RFX3: variants seen among roughly 807,000 people sequenced by gnomAD.
RFX3 encodes transcription factor RFX3.
RFX3 carries 14 observed loss-of-function variants against 98.6 expected under a neutral mutation model. The observed-to-expected ratio is 0.14, with a 90% CI of 0.09 to 0.22. The LOEUF is 0.22. Among genes scored for constraint, RFX3 ranks in the 10% least tolerant of loss-of-function variants. The pLI is 1.00. For missense variants in RFX3, 639 were observed against 926.9 expected (o/e 0.69, Z 4.03); for synonymous variants, 383 against 328.4 (o/e 1.17, Z -1.80).
At chr9:3,267,197 G>C (rs552215151) in intron 11 of RFX3, among the ~76,000 whole-genome samples, 1 of 152,036 alleles carries the variant, frequency 6.6e-6, no homozygotes, top group South Asian at 2.1e-4. Flanking sequence ...TGTGCCCAAG[G>C]CTCCATAGTA....
intron 7 of RFX3, among the ~76,000 whole-genome samples, chr9:3,281,362 A>T (rs1825892220): frequency 2.0e-5 from 3 of 151,586 alleles, no homozygotes; most frequent in Admixed American, 1.3e-4. Flanking sequence ...TCCATTGAAA[A>T]AAAAAAAGTC....
In RFX3 at chr9:3,219,329, C is replaced by T. The variant is rs1817224333; in HGVS notation, c.*5713G>A. Reference sequence around the variant, plus strand: ...CAATGGGAGTTTTTATATTTTCTTTCCTCCCCAGAATCAAAATTCTTCTAA... The same window carrying T: ...CAATGGGAGTTTTTATATTTTCTTTTCTCCCCAGAATCAAAATTCTTCTAA... On this transcript the variant is annotated 3_prime_UTR_variant, in exon 17 of 17. Transcript: ENST00000617270. 1 of 151,854 alleles carries T rather than the reference C, an allele frequency of 6.6e-6. No individual in the cohort carries two copies. Among genetic ancestry groups the T allele is most frequent in the African/African-American group, 2.4e-5 (1 of 41,356 alleles). The allele number at this position is 151,854 out of a possible 1,614,324, so 9.4% of individuals were successfully genotyped here.
At chr9:3,439,363 T>A (rs1199625301) in intron 1 of RFX3, among the ~76,000 whole-genome samples, 1 of 151,570 alleles carries the variant, frequency 6.6e-6, no homozygotes, top group Non-Finnish European at 1.5e-5. Flanking sequence ...TAGAAAAAAA[T>A]CAGTGAAAAC....
Position 3,500,275 on chromosome 9 carries a change from A to G in RFX3, c.-9+25472T>C, listed in dbSNP as rs185769495. Among the ~76,000 whole-genome samples the G allele has an allele frequency of 3.9e-4, 59 of 152,336 alleles. 1 individual carries two copies. Among genetic ancestry groups the G allele is most frequent in the African/African-American group, 1.3e-3 (53 of 41,580 alleles). ...AACAGCGCATAGCAAAGCAAAGCAC[A>G]GCACAGCAGAGCAAATGGGAGAAAA... On this transcript the variant is annotated intron_variant, in intron 1 of 16. Coordinates refer to ENST00000617270, the MANE Select transcript of RFX3 (RefSeq NM_001282116.2).
At chr9:3,240,536 T>A (rs113408799) in intron 15 of RFX3, among the ~76,000 whole-genome samples, 162 of 152,288 alleles carry the variant, frequency 1.1e-3, no homozygotes, top group African/African-American at 3.7e-3. Context: ...CATGTTCCCT[T>A]TGTACTAAGA....
At chr9:3,322,609 T>A (rs142712247) in intron 4 of RFX3, among the ~76,000 whole-genome samples, 7 of 152,204 alleles carry the variant, frequency 4.6e-5, no homozygotes, top group African/African-American at 1.7e-4. Flanking sequence ...GGCAGGTACC[T>A]GTAATCCCAG....
chr9:3,386,848 GAAT>G (rs113750967), intron 2 of RFX3, among the ~76,000 whole-genome samples: 3,729 of 152,170 alleles, frequency 0.025, 153 homozygotes, highest in African/African-American at 0.086. Flanking sequence ...GGCAGTCGGG[GAAT>G]ACCTAATGAA....
At chr9:3,348,625 A>G (rs545480096) in intron 2 of RFX3, among the ~76,000 whole-genome samples, 23 of 152,200 alleles carry the variant, frequency 1.5e-4, no homozygotes, top group African/African-American at 5.5e-4. Context: ...GGATAAGTAC[A>G]TGATTCTTTT....
chr9:3,511,815 A>C (rs1374310316), intron 1 of RFX3, among the ~76,000 whole-genome samples: 1 of 152,082 alleles, frequency 6.6e-6, no homozygotes, highest in Non-Finnish European at 1.5e-5. Context: ...CAAGTAAAGG[A>C]GACTTGAATT....
rs1564205550 is a variant in RFX3 at position 3,524,874 on chromosome 9, CA to C, written c.-9+872del. Among the ~76,000 whole-genome samples, 654 of 95,200 alleles carry C rather than the reference CA, an allele frequency of 6.9e-3. 5 individuals carry two copies. The highest frequency in any genetic ancestry group is 0.02 in the Middle Eastern group (4 of 202). The allele number at this position is 95,200 out of a possible 152,430, so 62.5% of individuals were successfully genotyped here. A position where few individuals can be genotyped will look rare whatever the true frequency, so the allele number is the denominator to read the frequency against. ...ACACACACACACACACACACACACA[CA>C]CACCAAAGAAGAGAGAGGAGACAGA... On this transcript the variant is annotated intron_variant, in intron 1 of 16. Transcript: ENST00000617270.
intron 2 of RFX3, among the ~76,000 whole-genome samples, chr9:3,369,309 C>T (rs1445565561): frequency 1.3e-5 from 2 of 152,168 alleles, no homozygotes; most frequent in African/African-American, 2.4e-5. Context: ...TATGTCCTCA[C>T]GTGGATGGAG....
rs184726908 is a variant in RFX3, at chr9:3,490,053, G to C, written c.-9+35694C>G. On this transcript the variant is annotated intron_variant, in intron 1 of 16. Coordinates refer to ENST00000617270, the MANE Select transcript of RFX3 (RefSeq NM_001282116.2). Reference sequence around the variant, plus strand: ...ATATAAACTGAAAACACATAACTATGTAAATAATACTGTTTTCTTGAAAAC... The same window carrying C: ...ATATAAACTGAAAACACATAACTATCTAAATAATACTGTTTTCTTGAAAAC... 4.1e-3 allele frequency among the ~76,000 whole-genome samples: 620 copies of C among 152,084 alleles called. 3 individuals are homozygous for C. The highest frequency in any genetic ancestry group is 0.014 in the African/African-American group (579 of 41,492).
At chr9:3,229,737 T>C (rs2130670164) in intron 15 of RFX3, among the ~76,000 whole-genome samples, 1 of 152,342 alleles carries the variant, frequency 6.6e-6, no homozygotes, top group Non-Finnish European at 1.5e-5. Context: ...AATAAGTCAT[T>C]ATTAGAAATT....
chr9:3,391,152 T>C (rs922792536), intron 2 of RFX3, among the ~76,000 whole-genome samples: 8 of 152,222 alleles, frequency 5.3e-5, no homozygotes, highest in African/African-American at 1.9e-4. Flanking sequence ...TAAAGGCATT[T>C]TACTATAGTT....
chr9:3,451,372 C>T (rs78706844), intron 1 of RFX3, among the ~76,000 whole-genome samples: 2,628 of 152,050 alleles, frequency 0.017, 61 homozygotes, highest in African/African-American at 0.057. Context: ...ATGGTGAAAC[C>T]CCATCTCTCA....
intron 1 of RFX3, among the ~76,000 whole-genome samples, chr9:3,403,928 G>T (rs1421313862): frequency 1.3e-5 from 2 of 152,094 alleles, no homozygotes; most frequent in African/African-American, 4.8e-5. Flanking sequence ...TGTTCCTCTA[G>T]ATTATCTTGC....
At chr9:3,406,726 A>C (rs1303371823) in intron 1 of RFX3, among the ~76,000 whole-genome samples, 1 of 152,192 alleles carries the variant, frequency 6.6e-6, no homozygotes, top group Admixed American at 6.5e-5. Context: ...CTACATAAAT[A>C]TAATTGTATA....
At chr9:3,304,103 G>A (rs1044403371) in intron 4 of RFX3, among the ~76,000 whole-genome samples, 4 of 151,830 alleles carry the variant, frequency 2.6e-5, no homozygotes, top group Admixed American at 1.3e-4. Context: ...GGAAACCCAC[G>A]GGCTTCCAAA....
intron 1 of RFX3, among the ~76,000 whole-genome samples, chr9:3,463,133 C>G (rs376080717): frequency 1.3e-5 from 2 of 152,022 alleles, no homozygotes; most frequent in African/African-American, 4.8e-5. Context: ...TATTACTTAA[C>G]TGTAAGACTT....
Sources: gnomAD v4.1 joint callset for allele counts (sites outside exome capture counted in the v4.1 genomes callset) on GRCh38, gnomAD v4.1.1 for gene constraint, MANE v1.5 for transcripts, NCBI Gene and HGNC (gene_info 2026-07-23, HGNC 2026-07-21) for gene names.